Variants in PTPRD observed in about 807,000 individuals in gnomAD.
PTPRD encodes protein tyrosine phosphatase receptor type D.
In PTPRD, 34 loss-of-function variants were observed where a neutral mutation model predicts 214.5. The observed-to-expected ratio is 0.16, with a 90% confidence interval of 0.12 to 0.21. The LOEUF (loss-of-function observed/expected upper bound fraction) is 0.21. Among genes scored for constraint, PTPRD ranks in the 10% least tolerant of loss-of-function variants. The probability of loss-of-function intolerance (pLI) is 1.00; values close to 1 mark genes in which losing one functional copy is unlikely to be tolerated. For missense variants in PTPRD, 2,545 were observed against 2,398.7 expected (o/e 1.06, Z -1.27); for synonymous variants, 1,128 against 845.7 (o/e 1.33, Z -5.79).
At chr9:9,908,391 C>T (rs1201708141) in intron 5 of PTPRD, among the ~76,000 whole-genome samples, 1 of 151,956 alleles carries the variant, frequency 6.6e-6, no homozygotes, top group African/African-American at 2.4e-5. Context: ...GGGGTCTCTC[C>T]AGCCTGTCTG....
intron 11 of PTPRD, chr9:8,963,039 A>G (rs1057020528): frequency 3.9e-5 from 6 of 152,162 alleles, no homozygotes; most frequent in Admixed American, 1.3e-4. Context: ...TATAAAATAT[A>G]CAATGGAATA....
chr9:9,866,732 C>T (rs1182679104), intron 5 of PTPRD, among the ~76,000 whole-genome samples: 2 of 152,002 alleles, frequency 1.3e-5, no homozygotes, highest in Non-Finnish European at 2.9e-5. Flanking sequence ...TGGAAAACAT[C>T]TTTTATATTT....
intron 10 of PTPRD, among the ~76,000 whole-genome samples, chr9:9,115,642 G>T (rs2154458352): frequency 6.6e-6 from 1 of 152,138 alleles, no homozygotes; most frequent in Admixed American, 6.6e-5. Context: ...CTACCCAAAA[G>T]AAAATAACTC....
intron 3 of PTPRD, among the ~76,000 whole-genome samples, chr9:10,248,381 G>T (rs549812952): frequency 6.6e-6 from 1 of 151,826 alleles, no homozygotes; most frequent in East Asian, 1.9e-4. Context: ...AGCACTTATT[G>T]AAGAAAAACT....
intron 5 of PTPRD, among the ~76,000 whole-genome samples, chr9:9,872,766 G>A (rs866364278): frequency 6.6e-6 from 1 of 152,156 alleles, no homozygotes; most frequent in Non-Finnish European, 1.5e-5. Context: ...GTAACTTCAA[G>A]TAGTTTTTAA....
intron 2 of PTPRD, among the ~76,000 whole-genome samples, chr9:10,364,719 G>T (rs2154473272): frequency 6.6e-6 from 1 of 152,198 alleles, no homozygotes; most frequent in East Asian, 1.9e-4. Context: ...GGGAAGTGGG[G>T]CATGGTCTTT....
Position 8,346,495 on chromosome 9 carries a change from T to A in PTPRD, c.4662-4517A>T, listed in dbSNP as rs532800390. Among the ~76,000 whole-genome samples, 16 of 152,268 alleles carry A rather than the reference T, an allele frequency of 1.1e-4. No individual in the cohort carries two copies. The South Asian group carries it at 3.3e-3, about 32-fold the overall frequency. ...GAAAATTCCAGAAATAAGTTTTCAA[T>A]GACATACTTTTCTGAAAAGTGTGGT... On this transcript the variant is annotated intron_variant, in intron 39 of 45. Transcript: ENST00000381196.
intron 9 of PTPRD, among the ~76,000 whole-genome samples, chr9:9,219,791 T>C (rs759070563): frequency 9.2e-5 from 14 of 152,154 alleles, no homozygotes; most frequent in Non-Finnish European, 1.8e-4. Context: ...GTTCTACACA[T>C]GGCGGACAGT....
intron 9 of PTPRD, among the ~76,000 whole-genome samples, chr9:9,323,773 T>C (rs988224798): frequency 6.6e-6 from 1 of 152,146 alleles, no homozygotes; most frequent in Non-Finnish European, 1.5e-5. Context: ...ACATGTGCCA[T>C]GTTGGTTTGC....
intron 9 of PTPRD, among the ~76,000 whole-genome samples, chr9:9,238,470 C>G (rs2099968422): frequency 6.6e-6 from 1 of 152,016 alleles, no homozygotes; most frequent in South Asian, 2.1e-4. Flanking sequence ...TTCTTGTGTA[C>G]TTAAGTGAGG....
In PTPRD at chr9:8,821,884, C is replaced by T. The variant is rs1447344766; in HGVS notation, c.-103-87938G>A. Among the ~76,000 whole-genome samples the T allele has an allele frequency of 4.6e-5, 7 of 152,098 alleles. No individual in the cohort carries two copies. In the South Asian group the frequency reaches 6.2e-4, roughly 14 times the overall value. ...TTCACCATCTTGGCCAGGCTGGTAT[C>T]GAACTCCTGACCTCGTGATCCACCC... On this transcript the variant is annotated intron_variant, in intron 11 of 45. Coordinates refer to ENST00000381196, the MANE Select transcript of PTPRD (RefSeq NM_002839.4).
At chr9:9,530,458 C>T (rs1027634028) in intron 8 of PTPRD, among the ~76,000 whole-genome samples, 1 of 152,056 alleles carries the variant, frequency 6.6e-6, no homozygotes, top group African/African-American at 2.4e-5. Flanking sequence ...AAAACCAGAA[C>T]AGACCAATAA....
At chr9:9,539,251 T>C (rs1024497161) in intron 8 of PTPRD, among the ~76,000 whole-genome samples, 1 of 151,808 alleles carries the variant, frequency 6.6e-6, no homozygotes, top group Non-Finnish European at 1.5e-5. Flanking sequence ...CAGTGGCAGG[T>C]ACCTAGGCCC....
At chr9:10,389,731 C>G (rs1440327018) in intron 2 of PTPRD, among the ~76,000 whole-genome samples, 1 of 151,828 alleles carries the variant, frequency 6.6e-6, no homozygotes, top group Non-Finnish European at 1.5e-5. Flanking sequence ...TTGACTCCAC[C>G]TCCACATCAT....
At chr9:8,418,219 C>CTTTTTTTTTTTTTTTTTTTTTTTT (rs370640821) in intron 35 of PTPRD, among the ~76,000 whole-genome samples, 1 of 150,188 alleles carries the variant, frequency 6.7e-6, no homozygotes. Flanking sequence ...CTTTCTTATC[C>CTTTTTTTTTTTTTTTTTTTTTTTT]TTTTCTTTTT....
rs545030168 is a variant in PTPRD at position 9,900,668 on chromosome 9, T to G, written c.-368+37839A>C. ...TTTTTTTTTTTTTGAGATGGAGTCT[T>G]GCTCTGTTGCCAGGCTGGAATGCAG... On this transcript the variant is annotated intron_variant, in intron 5 of 45. Transcript: ENST00000381196. 4.0e-5 allele frequency among the ~76,000 whole-genome samples: 6 copies of G among 151,598 alleles called. No homozygotes were observed. In the East Asian group the frequency reaches 1.2e-3, roughly 29 times the overall value.
intron 9 of PTPRD, among the ~76,000 whole-genome samples, chr9:9,257,154 T>G (rs981168620): frequency 3.9e-5 from 6 of 151,948 alleles, no homozygotes; most frequent in African/African-American, 7.2e-5. Context: ...ATCTCCTCTT[T>G]TGTGGGGGGT....
intron 4 of PTPRD, among the ~76,000 whole-genome samples, chr9:9,998,127 A>ATATAT (rs1231969776): frequency 0.031 from 1,685 of 55,086 alleles, 26 homozygotes; most frequent in Middle Eastern, 0.076. Context: ...AAAAAAAAAA[A>ATATAT]AAATATATAT....
intron 4 of PTPRD, among the ~76,000 whole-genome samples, chr9:9,944,024 C>G (rs1281668805): frequency 1.3e-5 from 2 of 152,100 alleles, no homozygotes; most frequent in Non-Finnish European, 1.5e-5. Context: ...AGTTGGAAAA[C>G]TCAAGGCTTT....
Sources: allele counts gnomAD v4.1 joint callset (sites outside exome capture counted in the v4.1 genomes callset), GRCh38; gene constraint gnomAD v4.1.1; transcripts MANE v1.5; gene names NCBI Gene and HGNC (gene_info 2026-07-23, HGNC 2026-07-21).